The following TMEM132B variants were observed in gnomAD, a reference collection of about 807,000 sequenced individuals.
TMEM132B encodes the protein transmembrane protein 132B.
Under a neutral mutation model 90.8 loss-of-function variants are expected in TMEM132B, and 18 were observed. The observed-to-expected ratio is 0.20, with a 90% CI of 0.14 to 0.29. The LOEUF (loss-of-function observed/expected upper bound fraction) is 0.29, where lower values mean the gene tolerates loss of function less well. Ranked by LOEUF, TMEM132B falls within the 10% of genes least tolerant of loss-of-function variation. The pLI is 1.00. For missense variants in TMEM132B, 1,096 were observed against 1,326.8 expected (o/e 0.83, Z 2.70); for synonymous variants, 504 against 523.3 (o/e 0.96, Z 0.50).
At position 125,516,109 on chromosome 12, in the gene TMEM132B, TCA is replaced by T. The variant is rs918818590; in HGVS notation, c.1107-3320_1107-3319del. Among the ~76,000 whole-genome samples the T allele has an allele frequency of 7.8e-4, 117 of 150,880 alleles. 1 individual carries two copies. The highest frequency in any genetic ancestry group is 2.8e-3 in the Admixed American group (42 of 15,116). On this transcript the variant is annotated intron_variant, in intron 3 of 8. Coordinates refer to ENST00000682704, the MANE Select transcript of TMEM132B (RefSeq NM_001366854.1). ...ATCTCACACACACTAACACACACTATCACACACACACTATCGCAATCTCACAC... is the reference window on the plus strand; with the variant it reads ...ATCTCACACACACTAACACACACTATCACACACACTATCGCAATCTCACAC...
At chr12:125,563,800 A>G (rs1884600508) in intron 4 of TMEM132B, among the ~76,000 whole-genome samples, 1 of 152,124 alleles carries the variant, frequency 6.6e-6, no homozygotes, top group Non-Finnish European at 1.5e-5. Flanking sequence ...AAATACAGAG[A>G]AGAAGGCCAT....
At chr12:125,467,825 T>C (rs10846897) in intron 3 of TMEM132B, among the ~76,000 whole-genome samples, 66,180 of 152,102 alleles carry the variant, frequency 0.44, 15,353 homozygotes, top group African/African-American at 0.58. Flanking sequence ...TTTGCCTATT[T>C]TGGACATTTC....
chr12:125,220,547 C>T (rs11058070), intron 1 of TMEM132B, among the ~76,000 whole-genome samples: 34,110 of 152,196 alleles, frequency 0.22, 4,115 homozygotes, highest in East Asian at 0.36. Context: ...GATAGCGATT[C>T]AGGCCCTTCT....
At chr12:125,217,667 C>T (rs7299549) in intron 1 of TMEM132B, among the ~76,000 whole-genome samples, 146,154 of 152,264 alleles carry the variant, frequency 0.96, 70,168 homozygotes, top group East Asian at 1. Flanking sequence ...TTGCCCAGGC[C>T]GGTCTCAAAC....
chr12:125,271,918 A>G (rs1353765543), intron 1 of TMEM132B, among the ~76,000 whole-genome samples: 4 of 152,182 alleles, frequency 2.6e-5, no homozygotes, highest in Non-Finnish European at 5.9e-5. Context: ...CTCTATCACT[A>G]CCACAAATAG....
At chr12:125,396,290 C>A (rs1879167198) in intron 2 of TMEM132B, among the ~76,000 whole-genome samples, 1 of 152,160 alleles carries the variant, frequency 6.6e-6, no homozygotes, top group Non-Finnish European at 1.5e-5. Flanking sequence ...CAGTCTTCCC[C>A]TGAAGCATTT....
intron 1 of TMEM132B, among the ~76,000 whole-genome samples, chr12:125,231,907 C>T (rs1317325161): frequency 2.6e-5 from 4 of 151,160 alleles, no homozygotes; most frequent in Non-Finnish European, 4.4e-5. Context: ...AAAACTCAGT[C>T]TTTCACTCTA....
At position 125,550,835 on chromosome 12, in the gene TMEM132B, A is replaced by G. The variant is rs141773544; in HGVS notation, c.1293+31210A>G. On this transcript the variant is annotated intron_variant, in intron 4 of 8. Coordinates refer to ENST00000682704, the MANE Select transcript of TMEM132B (RefSeq NM_001366854.1). ...CTCTTGTTGCCCAGGATGTAGTGCA[A>G]TGGTGCGATCTTGGCTCACTGCAAG... Among the ~76,000 whole-genome samples, 348 of 150,882 alleles carry G rather than the reference A, an allele frequency of 2.3e-3. 1 individual carries two copies. Among genetic ancestry groups the G allele is most frequent in the African/African-American group, 8.0e-3 (330 of 41,038 alleles).
intron 5 of TMEM132B, among the ~76,000 whole-genome samples, chr12:125,614,003 C>T (rs1566089878): frequency 6.6e-6 from 1 of 151,892 alleles, no homozygotes; most frequent in Non-Finnish European, 1.5e-5. Context: ...ATTGGCCCAA[C>T]AATATAATTG....
intron 2 of TMEM132B, among the ~76,000 whole-genome samples, chr12:125,390,707 G>A (rs1878983227): frequency 6.6e-6 from 1 of 152,166 alleles, no homozygotes; most frequent in Non-Finnish European, 1.5e-5. Flanking sequence ...AGGGCCACAT[G>A]GTGAACTGAG....
chr12:125,342,978 CCTTT>C (rs1435772939), intron 1 of TMEM132B, among the ~76,000 whole-genome samples: 1 of 152,152 alleles, frequency 6.6e-6, no homozygotes, highest in Non-Finnish European at 1.5e-5. Context: ...GTATTTGCTA[CCTTT>C]CTTTTTTGAT....
At chr12:125,328,328 T>G (rs1876654053) in intron 1 of TMEM132B, among the ~76,000 whole-genome samples, 1 of 152,242 alleles carries the variant, frequency 6.6e-6, no homozygotes, top group Non-Finnish European at 1.5e-5. Context: ...AGCAGGGTTC[T>G]GTGTTCTGCC....
At chr12:125,413,717 A>G (rs944867315) in intron 2 of TMEM132B, among the ~76,000 whole-genome samples, 4 of 152,216 alleles carry the variant, frequency 2.6e-5, no homozygotes, top group African/African-American at 9.6e-5. Flanking sequence ...ATATGGATAG[A>G]CCACATTTTA....
chr12:125,475,425 T>G (rs1881850038), intron 3 of TMEM132B, among the ~76,000 whole-genome samples: 1 of 152,148 alleles, frequency 6.6e-6, no homozygotes, highest in African/African-American at 2.4e-5. Context: ...ATCCTGGGTG[T>G]GTCTGTGAGG....
At chr12:125,237,238 C>G (rs759708126) in intron 1 of TMEM132B, among the ~76,000 whole-genome samples, 3 of 152,198 alleles carry the variant, frequency 2.0e-5, no homozygotes, top group East Asian at 3.9e-4. Flanking sequence ...TCACCAGTGC[C>G]GCAGGTGACC....
At chr12:125,345,977 G>A (rs796680556) in intron 1 of TMEM132B, among the ~76,000 whole-genome samples, 11 of 152,234 alleles carry the variant, frequency 7.2e-5, no homozygotes, top group African/African-American at 2.4e-4. Flanking sequence ...ACACAGTCCC[G>A]TGGCTTCATA....
At chr12:125,430,926 AGT>A (rs1446486939) in intron 3 of TMEM132B, among the ~76,000 whole-genome samples, 8 of 151,888 alleles carry the variant, frequency 5.3e-5, no homozygotes, top group Non-Finnish European at 1.0e-4. Context: ...CCCTGAAGGG[AGT>A]GTGGGGAGGA....
chr12:125,299,975 T>G (rs10773156), intron 1 of TMEM132B, among the ~76,000 whole-genome samples: 57,781 of 152,200 alleles, frequency 0.38, 13,662 homozygotes, highest in African/African-American at 0.68. Flanking sequence ...CCCCAAGTCC[T>G]GCTCATGGCC....
chr12:125,580,861 G>T (rs1192567169), intron 4 of TMEM132B, among the ~76,000 whole-genome samples: 1 of 152,134 alleles, frequency 6.6e-6, no homozygotes, highest in Non-Finnish European at 1.5e-5. Flanking sequence ...ACACAAATAA[G>T]AGCAGAATAA....
Sources: allele counts gnomAD v4.1 joint callset (sites outside exome capture counted in the v4.1 genomes callset), GRCh38; gene constraint gnomAD v4.1.1; transcripts MANE v1.5; gene names NCBI Gene and HGNC (gene_info 2026-07-23, HGNC 2026-07-21).